MAPK10: variants seen among roughly 807,000 people sequenced by gnomAD.
The protein encoded by MAPK10 is mitogen-activated protein kinase 10, also known as JNK3 alpha protein kinase.
MAPK10 carries 25 observed loss-of-function variants against 59.3 expected under a neutral mutation model. The ratio of observed to expected loss-of-function variants is 0.42; its 90% CI spans 0.31 to 0.59. MAPK10 has a LOEUF of 0.59. Among genes scored for constraint, MAPK10 ranks in the 20% least tolerant of loss-of-function variants. MAPK10 has a pLI of 0.15. For synonymous variants in MAPK10, 190 were observed against 200.5 expected, an observed-to-expected ratio of 0.95 and a Z score of 0.44; for missense variants, 351 against 568.9, an observed-to-expected ratio of 0.62 and a Z score of 3.90.
chr4:86,387,946 A>T (rs1273510190), intron 1 of MAPK10, among the ~76,000 whole-genome samples: 2 of 150,706 alleles, frequency 1.3e-5, no homozygotes, highest in East Asian at 3.8e-4. Context: ...ACTATTTTAA[A>T]AATATATACA....
intron 1 of MAPK10, among the ~76,000 whole-genome samples, chr4:86,355,799 TA>T (rs1249995240): frequency 6.6e-6 from 1 of 152,192 alleles, no homozygotes; most frequent in Non-Finnish European, 1.5e-5. Flanking sequence ...AAACACTGAA[TA>T]AACATTGCCA....
At chr4:86,176,310 C>A (rs144595447) in intron 3 of MAPK10, among the ~76,000 whole-genome samples, 1 of 152,086 alleles carries the variant, frequency 6.6e-6, no homozygotes, top group Non-Finnish European at 1.5e-5. Context: ...ATTAACCATA[C>A]ACTGAAAATC....
At chr4:86,252,308 C>T (rs1222286376) in intron 2 of MAPK10, among the ~76,000 whole-genome samples, 2 of 121,156 alleles carry the variant, frequency 1.7e-5, no homozygotes, top group Non-Finnish European at 3.2e-5. Context: ...GGTTTTAGGT[C>T]TAACGTTTAA....
Position 86,017,241 on chromosome 4 carries a change from C to T in MAPK10, c.1382G>A (p.Gly461Asp). The change falls in exon 14 of 14, where the codon GGT becomes GAT. Residue 461 changes from glycine (G) to aspartate (D), a missense_variant. Physicochemically the swap from Gly to Asp is moderately conservative, Grantham distance 94. Transcript: ENST00000641462. The surrounding 1 kb of genome is among the most constrained non-coding windows in gnomAD (Gnocchi z 4.4). ...SSLEASAGPL[G>D]CCR The stretch of plus-strand genomic sequence containing the variant: ...GCAGGCGGCTAGTCACCTGCAACAA[C>T]CCAGGGGTCCTGCCGAGGCTTCCAG... 6.2e-7 allele frequency: 1 copy of T among 1,614,018 alleles called. No homozygotes were observed. Among genetic ancestry groups the T allele is most frequent in the Non-Finnish European group, 8.5e-7 (1 of 1,179,970 alleles).
chr4:86,512,845 C>A (rs937174521), intron 1 of MAPK10, among the ~76,000 whole-genome samples: 1 of 152,164 alleles, frequency 6.6e-6, no homozygotes, highest in Non-Finnish European at 1.5e-5. Context: ...ATGCCATAGC[C>A]AGGGACATTG....
intron 1 of MAPK10, among the ~76,000 whole-genome samples, chr4:86,546,101 T>C (rs1010521835): frequency 6.6e-6 from 1 of 151,878 alleles, no homozygotes; most frequent in Admixed American, 6.6e-5. Flanking sequence ...TGGGTGCCTA[T>C]AGTCCCAGCT....
intron 2 of MAPK10, among the ~76,000 whole-genome samples, chr4:86,265,063 G>T (rs540897180): frequency 1.3e-4 from 20 of 151,780 alleles, no homozygotes; most frequent in African/African-American, 4.8e-4. Flanking sequence ...GCTAATTTTT[G>T]TATTTTTGGT....
rs1417779272 is a variant in MAPK10 at position 86,144,975 on chromosome 4, G to A, written c.236+14323C>T. ...AAGTCTAAGTTTCTATTCCCTACCC[G>A]GTAATATGTTTACCAAAAAAAACCC... On this transcript the variant is annotated intron_variant, in intron 4 of 13. Coordinates refer to ENST00000641462, the MANE Select transcript of MAPK10 (RefSeq NM_138982.4). Among the ~76,000 whole-genome samples the A allele has an allele frequency of 4.7e-5, 7 of 150,312 alleles. No homozygotes were observed. The South Asian group carries it at 6.3e-4, about 13-fold the overall frequency.
intron 13 of MAPK10, among the ~76,000 whole-genome samples, chr4:86,022,471 C>G (rs1042582204): frequency 6.6e-6 from 1 of 151,936 alleles, no homozygotes; most frequent in Non-Finnish European, 1.5e-5. Flanking sequence ...GTTGTAAGCT[C>G]TTTAGCTCTT....
intron 4 of MAPK10, among the ~76,000 whole-genome samples, chr4:86,140,216 A>G (rs565052059): frequency 2.1e-5 from 3 of 141,010 alleles, no homozygotes; most frequent in African/African-American, 8.8e-5. Context: ...TCATGCTGCT[A>G]TAAAGACACA....
At chr4:86,369,076 G>GA (rs35816063) in intron 1 of MAPK10, among the ~76,000 whole-genome samples, 1 of 151,994 alleles carries the variant, frequency 6.6e-6, no homozygotes, top group African/African-American at 2.4e-5. Context: ...CTAGAAGCAT[G>GA]AAAAAAGCAT....
At chr4:86,370,263 C>T (rs1738554174) in intron 1 of MAPK10, among the ~76,000 whole-genome samples, 1 of 152,108 alleles carries the variant, frequency 6.6e-6, no homozygotes, top group Non-Finnish European at 1.5e-5. Context: ...CCAGTCTACA[C>T]CTGAGATACT....
At chr4:86,234,949 G>T (rs202081396) in intron 2 of MAPK10, among the ~76,000 whole-genome samples, 2 of 152,182 alleles carry the variant, frequency 1.3e-5, no homozygotes, top group East Asian at 3.9e-4. Context: ...TAACGGATTA[G>T]GAGAAAAGAG....
At chr4:86,508,376 T>C (rs574118186) in intron 1 of MAPK10, among the ~76,000 whole-genome samples, 9 of 152,288 alleles carry the variant, frequency 5.9e-5, no homozygotes, top group African/African-American at 2.2e-4. Context: ...GATTTGGTTA[T>C]AAGGCCACCT....
intron 9 of MAPK10, chr4:86,079,587 G>A (rs145287548): frequency 1.3e-5 from 2 of 152,238 alleles, no homozygotes; most frequent in African/African-American, 4.8e-5. Context: ...AGAGGCCTTG[G>A]AGATCATGTA....
intron 2 of MAPK10, among the ~76,000 whole-genome samples, chr4:86,265,150 A>G (rs1025091089): frequency 3.3e-5 from 5 of 151,944 alleles, no homozygotes; most frequent in Non-Finnish European, 7.4e-5. Context: ...CGGCCTCCCA[A>G]TGACCCTGGA....
At chr4:86,257,577 C>G (rs535712781) in intron 2 of MAPK10, among the ~76,000 whole-genome samples, 1 of 152,312 alleles carries the variant, frequency 6.6e-6, no homozygotes, top group African/African-American at 2.4e-5. Context: ...CCTTCATGCT[C>G]CATGAAATTA....
intron 2 of MAPK10, among the ~76,000 whole-genome samples, chr4:86,310,212 A>G (rs2095642747): frequency 6.6e-6 from 1 of 152,098 alleles, no homozygotes; most frequent in South Asian, 2.1e-4. Flanking sequence ...TTCATGTCTC[A>G]TGTCTCCCTA....
intron 2 of MAPK10, among the ~76,000 whole-genome samples, chr4:86,248,431 C>T (rs2093236246): frequency 6.6e-6 from 1 of 152,148 alleles, no homozygotes; most frequent in African/African-American, 2.4e-5. Flanking sequence ...CTCAATTCAT[C>T]ATTCAACATT....
Sources: allele counts gnomAD v4.1 joint callset (sites outside exome capture counted in the v4.1 genomes callset), GRCh38; gene constraint gnomAD v4.1.1; non-coding constraint Gnocchi (gnomAD v3.1); transcripts MANE v1.5; gene names NCBI Gene and HGNC (gene_info 2026-07-23, HGNC 2026-07-21).